The following CNTNAP2 variants were observed in gnomAD, a reference collection of about 807,000 sequenced individuals.
The protein encoded by CNTNAP2 is contactin associated protein 2.
Under a neutral mutation model 155.2 loss-of-function variants are expected in CNTNAP2, and 98 were observed. The ratio of observed to expected loss-of-function variants is 0.63; its 90% CI spans 0.54 to 0.75. The LOEUF (loss-of-function observed/expected upper bound fraction) is 0.75. Among genes scored for constraint, CNTNAP2 ranks in the 30% least tolerant of loss-of-function variants. The probability of loss-of-function intolerance (pLI) is 0.00; values close to 1 mark genes in which losing one functional copy is unlikely to be tolerated. For synonymous variants in CNTNAP2, 651 were observed against 631.2 expected (o/e 1.03, Z -0.47); for missense variants, 1,727 against 1,688.1 (o/e 1.02, Z -0.40).
intron 9 of CNTNAP2, among the ~76,000 whole-genome samples, chr7:147,308,052 T>G (rs760950803): frequency 6.6e-6 from 1 of 152,100 alleles, no homozygotes; most frequent in Non-Finnish European, 1.5e-5. Flanking sequence ...TGGGAGGGGA[T>G]TGAGGATTAT....
At chr7:148,194,725 G>T (rs1046356243) in intron 18 of CNTNAP2, among the ~76,000 whole-genome samples, 80 of 152,066 alleles carry the variant, frequency 5.3e-4, no homozygotes, top group African/African-American at 1.9e-3. Flanking sequence ...GAGTCCCAGG[G>T]CATGAGAAGA....
chr7:148,047,788 G>A (rs757162595), intron 15 of CNTNAP2, among the ~76,000 whole-genome samples: 8 of 152,186 alleles, frequency 5.3e-5, no homozygotes, highest in Non-Finnish European at 1.2e-4. Context: ...AGATGAGTTT[G>A]CAAACATGGA....
chr7:147,732,984 T>A (rs577943360), intron 13 of CNTNAP2, among the ~76,000 whole-genome samples: 139 of 152,332 alleles, frequency 9.1e-4, no homozygotes, highest in African/African-American at 2.9e-3. Context: ...TTGTGTAGGT[T>A]GCCAGTTCAC....
intron 8 of CNTNAP2, among the ~76,000 whole-genome samples, chr7:147,242,070 A>AT (rs1302275742): frequency 2.0e-5 from 3 of 151,934 alleles, no homozygotes; most frequent in African/African-American, 7.3e-5. Context: ...TCTTTTCCTG[A>AT]TTTTTTCATC....
At chr7:146,664,322 G>A (rs1030537802) in intron 1 of CNTNAP2, among the ~76,000 whole-genome samples, 1 of 151,616 alleles carries the variant, frequency 6.6e-6, no homozygotes, top group Admixed American at 6.6e-5. Context: ...CCACCATGCC[G>A]GGCTAATTTT....
chr7:146,234,413 G>T (rs532740555), intron 1 of CNTNAP2, among the ~76,000 whole-genome samples: 6 of 152,232 alleles, frequency 3.9e-5, no homozygotes, highest in Admixed American at 3.9e-4. Context: ...TGTGTAGGTT[G>T]CCTGTTCACT....
chr7:146,120,660 T>A (rs1189249928), intron 1 of CNTNAP2, among the ~76,000 whole-genome samples: 1 of 152,186 alleles, frequency 6.6e-6, no homozygotes, highest in African/African-American at 2.4e-5. Context: ...TCCATAAAAT[T>A]ATAATGGAGC....
At chr7:146,711,200 A>G (rs1801062738) in intron 1 of CNTNAP2, among the ~76,000 whole-genome samples, 1 of 149,042 alleles carries the variant, frequency 6.7e-6, no homozygotes, top group Non-Finnish European at 1.5e-5. Context: ...GTATGTATAC[A>G]TACACACACA....
At chr7:146,731,637 A>C (rs939316454) in intron 1 of CNTNAP2, among the ~76,000 whole-genome samples, 4 of 152,098 alleles carry the variant, frequency 2.6e-5, no homozygotes, top group African/African-American at 9.7e-5. Context: ...TAGTATCTTC[A>C]GTTGAGGAAT....
chr7:147,857,038 T>A (rs138127540), intron 13 of CNTNAP2, among the ~76,000 whole-genome samples: 11 of 152,352 alleles, frequency 7.2e-5, no homozygotes, highest in African/African-American at 2.6e-4. Flanking sequence ...TGACAGACTT[T>A]ATTGGTAACA....
intron 1 of CNTNAP2, chr7:146,208,862 C>G (rs976497832): frequency 3.3e-5 from 5 of 151,956 alleles, no homozygotes; most frequent in Non-Finnish European, 5.9e-5. Context: ...AGATGGGCCT[C>G]AATCTAGTCC....
intron 21 of CNTNAP2, among the ~76,000 whole-genome samples, chr7:148,299,807 A>G (rs1411927810): frequency 6.6e-6 from 1 of 152,218 alleles, no homozygotes; most frequent in Admixed American, 6.5e-5. Context: ...TAAGCTCCTG[A>G]TAATACAGAA....
intron 8 of CNTNAP2, among the ~76,000 whole-genome samples, chr7:147,291,456 A>C (rs923859218): frequency 6.6e-6 from 1 of 152,150 alleles, no homozygotes; most frequent in African/African-American, 2.4e-5. Context: ...CAATATTTTA[A>C]AAATTCATTG....
chr7:147,496,667 A>C (rs1798714189), intron 11 of CNTNAP2: 1 of 152,168 alleles, frequency 6.6e-6, no homozygotes, highest in Admixed American at 6.5e-5. Context: ...TGTCTTCTGA[A>C]ATTAAGACAC....
intron 1 of CNTNAP2, among the ~76,000 whole-genome samples, chr7:146,474,285 A>C (rs1246393888): frequency 6.7e-6 from 1 of 148,820 alleles, no homozygotes; most frequent in Admixed American, 6.7e-5. Context: ...TATTTCATTT[A>C]TATAATATAA....
chr7:147,041,494 A>G (rs1478828777), intron 3 of CNTNAP2, among the ~76,000 whole-genome samples: 1 of 152,160 alleles, frequency 6.6e-6, no homozygotes, highest in Non-Finnish European at 1.5e-5. Flanking sequence ...CCTATTCTTC[A>G]ATATATCCTA....
intron 4 of CNTNAP2, among the ~76,000 whole-genome samples, chr7:147,083,615 T>TA (rs1333318555): frequency 2.8e-5 from 4 of 144,902 alleles, no homozygotes; most frequent in African/African-American, 7.6e-5. Flanking sequence ...ATGCTATATA[T>TA]AAAAAATATA....
At chr7:147,539,469 C>T (rs548570496) in intron 11 of CNTNAP2, among the ~76,000 whole-genome samples, 38 of 152,256 alleles carry the variant, frequency 2.5e-4, no homozygotes, top group South Asian at 4.1e-4. Flanking sequence ...TAGACAGTGA[C>T]GCTATCCACT....
At chr7:147,240,905 C>A (rs1359915842) in intron 8 of CNTNAP2, among the ~76,000 whole-genome samples, 1 of 152,032 alleles carries the variant, frequency 6.6e-6, no homozygotes, top group Non-Finnish European at 1.5e-5. Flanking sequence ...TATATTTGAG[C>A]CTTTTGGATT....
Sources: gnomAD v4.1 joint callset for allele counts (sites outside exome capture counted in the v4.1 genomes callset) on GRCh38, gnomAD v4.1.1 for gene constraint, MANE v1.5 for transcripts, NCBI Gene and HGNC (gene_info 2026-07-23, HGNC 2026-07-21) for gene names.